Variants in PRKCB observed in about 807,000 individuals in gnomAD.
PRKCB encodes the protein protein kinase C beta type.
Under a neutral mutation model 81.5 loss-of-function variants are expected in PRKCB, and 13 were observed. The observed-to-expected ratio is 0.16, with a 90% confidence interval of 0.10 to 0.25. The LOEUF (loss-of-function observed/expected upper bound fraction) is 0.25. Among genes scored for constraint, PRKCB ranks in the 10% least tolerant of loss-of-function variants. PRKCB has a pLI of 1.00. For missense variants in PRKCB, 509 were observed against 875.7 expected, an observed-to-expected ratio of 0.58 and a Z score of 5.29; for synonymous variants, 335 against 321.4, an observed-to-expected ratio of 1.04 and a Z score of -0.45.
At chr16:24,034,916 C>T (rs1006076535) in intron 4 of PRKCB, among the ~76,000 whole-genome samples, 11 of 152,258 alleles carry the variant, frequency 7.2e-5, no homozygotes, top group African/African-American at 2.2e-4. Flanking sequence ...CAAAACTCCC[C>T]GTCTCAGACT....
At chr16:24,147,083 C>A (rs113216741) in intron 9 of PRKCB, among the ~76,000 whole-genome samples, 1 of 151,612 alleles carries the variant, frequency 6.6e-6, no homozygotes, top group Non-Finnish European at 1.5e-5. Context: ...CTGAGGCGGG[C>A]GGATCACGAG....
At chr16:23,897,893 GTTAT>G (rs377068069) in intron 2 of PRKCB, among the ~76,000 whole-genome samples, 2 of 151,228 alleles carry the variant, frequency 1.3e-5, no homozygotes, top group Non-Finnish European at 1.5e-5. Context: ...TATTATTTAT[GTTAT>G]TTATTTATTT....
intron 2 of PRKCB, among the ~76,000 whole-genome samples, chr16:23,868,394 G>T (rs146937623): frequency 6.4e-4 from 98 of 152,204 alleles, no homozygotes; most frequent in East Asian, 2.7e-3. Context: ...TTATTCTCTG[G>T]GACATGTACT....
chr16:24,178,536 G>A (rs1362217705), intron 12 of PRKCB, among the ~76,000 whole-genome samples: 1 of 152,218 alleles, frequency 6.6e-6, no homozygotes. Flanking sequence ...GTTGTCATTT[G>A]TCACTATTAG....
chr16:23,957,594 C>T (rs977633404), intron 2 of PRKCB, among the ~76,000 whole-genome samples: 15 of 152,038 alleles, frequency 9.9e-5, no homozygotes, highest in African/African-American at 3.6e-4. Context: ...CTTTTTTGCC[C>T]CCTTGAAGTC....
intron 5 of PRKCB, among the ~76,000 whole-genome samples, chr16:24,045,393 T>C (rs1567355256): frequency 1.3e-5 from 2 of 152,208 alleles, no homozygotes; most frequent in Non-Finnish European, 2.9e-5. Context: ...TGATGTTTTT[T>C]GCCTTCTTTC....
At chr16:24,026,988 G>A (rs1368603990) in intron 3 of PRKCB, among the ~76,000 whole-genome samples, 4 of 152,160 alleles carry the variant, frequency 2.6e-5, no homozygotes, top group Admixed American at 2.0e-4. Flanking sequence ...TACCAGTCAT[G>A]AACAGGGGTT....
At chr16:24,199,840 T>G (rs896564066) in intron 16 of PRKCB, among the ~76,000 whole-genome samples, 1 of 152,180 alleles carries the variant, frequency 6.6e-6, no homozygotes, top group Non-Finnish European at 1.5e-5. Flanking sequence ...AGCCAGGACT[T>G]GATCCCTGGA....
chr16:23,950,158 T>TTTTTTTTTTTTTTTC (rs1964261157), intron 2 of PRKCB, among the ~76,000 whole-genome samples: 1 of 146,662 alleles, frequency 6.8e-6, no homozygotes, highest in African/African-American at 2.6e-5. Context: ...TTTTTTTTTT[T>TTTTTTTTTTTTTTTC]CTGTTGATCC....
chr16:24,094,174 A>G lies in PRKCB; in HGVS notation c.698A>G (p.Glu233Gly). Residue 233 changes from glutamate (E) to glycine (G), a missense_variant, in exon 7 of 17, where the codon GAA (glutamate) becomes GGA (glycine). Around this residue, in one of 6 missense-constraint regions of PRKCB, gnomAD observed 184 missense variants for 362.9 expected, o/e 0.51. Transcript: ENST00000643927. ...TTTTCTCTATGCAGTCAGCTGAAAG[A>G]ATCGGACAAAGACAGAAGACTGTCA... The part of the protein sequence containing the change: ...WNETFRFQLK[E>G]SDKDRRLSVE... 6.2e-7 allele frequency: 1 copy of G among 1,613,960 alleles called. No individual in the cohort carries two copies. Among genetic ancestry groups the G allele is most frequent in the South Asian group, 1.1e-5 (1 of 91,054 alleles).
chr16:24,191,430 G>C, intron 16 of PRKCB, 200 bp downstream of exon 16: 8 of 500,684 alleles, frequency 1.6e-5, no homozygotes, highest in South Asian at 3.6e-5. Context: ...TCTCTATAAA[G>C]ATGGAAACGA....
chr16:23,884,188 A>G (rs1963165131), intron 2 of PRKCB, among the ~76,000 whole-genome samples: 2 of 152,316 alleles, frequency 1.3e-5, no homozygotes, highest in Non-Finnish European at 2.9e-5. Context: ...ATAAGTTCTT[A>G]TGCAAGCTTA....
intron 5 of PRKCB, among the ~76,000 whole-genome samples, chr16:24,042,509 A>G (rs570158190): frequency 3.2e-4 from 49 of 152,274 alleles, no homozygotes; most frequent in African/African-American, 1.1e-3. Flanking sequence ...TCCACCACCT[A>G]TATTCTGTCG....
At chr16:23,882,741 T>C (rs1031627882) in intron 2 of PRKCB, among the ~76,000 whole-genome samples, 4 of 140,502 alleles carry the variant, frequency 2.8e-5, no homozygotes, top group Non-Finnish European at 6.0e-5. Context: ...AACATGGGTA[T>C]ACAAATATCT....
intron 2 of PRKCB, among the ~76,000 whole-genome samples, chr16:23,845,478 C>T (rs778342204): frequency 1.7e-4 from 26 of 152,042 alleles, no homozygotes; most frequent in Non-Finnish European, 3.5e-4. Flanking sequence ...CTGCCCATAT[C>T]CTGGATAATA....
At chr16:24,130,227 G>C (rs1268391991) in intron 9 of PRKCB, among the ~76,000 whole-genome samples, 1 of 152,176 alleles carries the variant, frequency 6.6e-6, no homozygotes, top group Admixed American at 6.5e-5. Context: ...AAAACGCATA[G>C]TTTTTAAAAT....
intron 16 of PRKCB, among the ~76,000 whole-genome samples, chr16:24,194,825 C>G (rs372150779): frequency 1.3e-5 from 2 of 152,280 alleles, no homozygotes; most frequent in African/African-American, 4.8e-5. Flanking sequence ...TCAGGCTGTG[C>G]TACATACTTC....
At chr16:24,061,154 G>A (rs111473538) in intron 5 of PRKCB, among the ~76,000 whole-genome samples, 29 of 152,002 alleles carry the variant, frequency 1.9e-4, no homozygotes, top group African/African-American at 6.3e-4. Flanking sequence ...TCCGCCTCCC[G>A]AATTCAAGCA....
chr16:23,936,579 A>ATTTTTTTTTTTTTTTT (rs57643578), intron 2 of PRKCB, among the ~76,000 whole-genome samples: 1 of 96,036 alleles, frequency 1.0e-5, no homozygotes, highest in Non-Finnish European at 1.9e-5. Context: ...CACCCAACTA[A>ATTTTTTTTTTTTTTTT]TTTTTTTTTT....
Sources: allele counts gnomAD v4.1 joint callset (sites outside exome capture counted in the v4.1 genomes callset), GRCh38; gene constraint gnomAD v4.1.1; regional missense constraint gnomAD v4.1.1; transcripts MANE v1.5; gene names NCBI Gene and HGNC (gene_info 2026-07-23, HGNC 2026-07-21).